FYB2: variants seen among roughly 807,000 people sequenced by gnomAD.
FYB2 encodes the protein FYN-binding protein 2.
FYB2 carries 103 observed loss-of-function variants against 94.1 expected under a neutral mutation model. That is an observed-to-expected ratio of 1.09 (90% CI 0.93 to 1.29). The LOEUF is 1.29. Among genes scored for constraint, FYB2 ranks in the 50% most tolerant of loss-of-function variants. The probability of loss-of-function intolerance (pLI) is 0.00; values close to 1 mark genes in which losing one functional copy is unlikely to be tolerated. For synonymous variants in FYB2, 293 were observed against 287.9 expected (o/e 1.02, Z -0.18); for missense variants, 896 against 841.5 (o/e 1.06, Z -0.80).
upstream of FYB2, among the ~76,000 whole-genome samples, chr1:56,822,654 G>T (rs1437302009): frequency 1.3e-5 from 2 of 151,222 alleles, no homozygotes; most frequent in African/African-American, 4.9e-5. Flanking sequence ...GCTCTGCAGT[G>T]TCTCCTATTA....
chr1:56,761,904 A>G (rs1645503038), intron 5 of FYB2: 1 of 152,206 alleles, frequency 6.6e-6, no homozygotes, highest in Non-Finnish European at 1.5e-5. Flanking sequence ...TAACTTTTGT[A>G]TAAGGTGTGA....
intron 16 of FYB2, 38 bp from the exon 17 acceptor site, chr1:56,723,719 A>G (rs2100489946): frequency 8.1e-7 from 1 of 1,232,246 alleles, no homozygotes; most frequent in Non-Finnish European, 1.2e-6. Context: ...AACGTACTAT[A>G]ATAAAACTTT....
chr1:56,766,217 C>G (rs1047635422), intron 5 of FYB2, among the ~76,000 whole-genome samples: 3 of 152,276 alleles, frequency 2.0e-5, no homozygotes, highest in Middle Eastern at 3.4e-3. Flanking sequence ...AAGATCCCTG[C>G]ATGACTTGTA....
At chr1:56,814,617 CTAAT>C (rs1646839930) in intron 1 of FYB2, among the ~76,000 whole-genome samples, 2 of 152,250 alleles carry the variant, frequency 1.3e-5, no homozygotes, top group Non-Finnish European at 2.9e-5. Flanking sequence ...GGACTTGTGA[CTAAT>C]TGTGTGATCT....
intron 1 of FYB2, among the ~76,000 whole-genome samples, chr1:56,798,195 C>T (rs984793510): frequency 2.6e-5 from 4 of 152,196 alleles, no homozygotes; most frequent in Admixed American, 2.0e-4. Context: ...CCTGTGTCAT[C>T]TTTGTGAAAG....
Position 56,737,157 on chromosome 1 carries a change from A to G in FYB2, c.1733-10T>C. 6.3e-7 allele frequency: 1 copy of G among 1,591,912 alleles called. No individual in the cohort carries two copies. ...TCCTGAGACTTAAGTTCTAGGGTCA[A>G]GACAGAATCAAAATAGTCCATTATT... On this transcript the variant is annotated splice_polypyrimidine_tract_variant and intron_variant, in intron 14 of 19. Coordinates refer to ENST00000343433, the MANE Select transcript of FYB2 (RefSeq NM_001004303.5).
At chr1:56,757,691 T>TTCCTTCCTTCCTTCCTTCCTTCC (rs1557616923) in intron 6 of FYB2, among the ~76,000 whole-genome samples, 53 of 70,108 alleles carry the variant, frequency 7.6e-4, no homozygotes, top group Non-Finnish European at 1.0e-3. Context: ...TCCTTCCTTC[T>TTCCTTCCTTCCTTCCTTCCTTCC]TTCTTTCTTT....
intron 1 of FYB2, among the ~76,000 whole-genome samples, chr1:56,808,714 T>A (rs1397258308): frequency 6.6e-6 from 1 of 152,198 alleles, no homozygotes; most frequent in Non-Finnish European, 1.5e-5. Context: ...AGAAACTGTG[T>A]ACTGTATGCT....
chr1:56,767,803 A>AGACTTACGATCAG (rs1557628847), intron 5 of FYB2, 26 bp downstream of exon 5: 2 of 1,490,772 alleles, frequency 1.3e-6, no homozygotes, highest in South Asian at 2.3e-5. Context: ...ACAGGGTTAC[A>AGACTTACGATCAG]CTATTAATTG....
At chr1:56,756,278 C>G (rs569681356) in intron 6 of FYB2, among the ~76,000 whole-genome samples, 53 of 152,246 alleles carry the variant, frequency 3.5e-4, no homozygotes, top group Middle Eastern at 3.4e-3. Flanking sequence ...CAATATTTTA[C>G]TGGGCAAATT....
rs1645191819 is a variant in FYB2, at chr1:56,751,248, C to T, written c.1228-45G>A. The stretch of plus-strand genomic sequence containing the variant: ...AGAATACTGTAGGGCTGTGACTTAC[C>T]TAATCAGTTCTTTGCTTACTTGTAC... On this transcript the variant is annotated intron_variant, in intron 8 of 19. Coordinates refer to ENST00000343433, the MANE Select transcript of FYB2 (RefSeq NM_001004303.5). 3 of 1,566,232 alleles carry T rather than the reference C, an allele frequency of 1.9e-6. No homozygotes were observed. The East Asian group carries it at 6.8e-5, about 35-fold the overall frequency.
intron 5 of FYB2, 82 bp from the exon 6 acceptor site, chr1:56,758,832 A>C: frequency 9.3e-7 from 1 of 1,075,812 alleles, no homozygotes; most frequent in Non-Finnish European, 1.3e-6. Context: ...CAGTTATAAA[A>C]GATTCCAGAA....
chr1:56,766,954 T>C (rs1645638158), intron 5 of FYB2, among the ~76,000 whole-genome samples: 1 of 152,216 alleles, frequency 6.6e-6, no homozygotes, highest in Admixed American at 6.5e-5. Context: ...AGCATAGAAT[T>C]TAGAGGTAGC....
intron 1 of FYB2, among the ~76,000 whole-genome samples, chr1:56,809,472 A>G (rs961361690): frequency 4.6e-5 from 7 of 152,126 alleles, no homozygotes; most frequent in African/African-American, 1.7e-4. Context: ...CAGAGAAGAC[A>G]CTGTGAATAT....
upstream of FYB2, chr1:56,823,714 A>G (rs1647006510): frequency 6.6e-6 from 1 of 152,212 alleles, no homozygotes; most frequent in Non-Finnish European, 1.5e-5. Context: ...GAATCTCAGC[A>G]CCTGCTTTGA....
intron 15 of FYB2, among the ~76,000 whole-genome samples, chr1:56,730,438 G>A (rs908738805): frequency 6.8e-6 from 1 of 147,588 alleles, no homozygotes; most frequent in African/African-American, 2.5e-5. Context: ...GGGAGAGGGA[G>A]GGGATGGCAA....
At chr1:56,809,258 T>G (rs544029728) in intron 1 of FYB2, among the ~76,000 whole-genome samples, 57 of 152,262 alleles carry the variant, frequency 3.7e-4, no homozygotes, top group Non-Finnish European at 5.7e-4. Context: ...GCCAACTATG[T>G]ACAAGGTATT....
intron 8 of FYB2, among the ~76,000 whole-genome samples, chr1:56,753,290 C>A (rs1645245071): frequency 6.6e-6 from 1 of 152,074 alleles, no homozygotes; most frequent in African/African-American, 2.4e-5. Flanking sequence ...ACACATTCAC[C>A]ATATTTAATA....
At chr1:56,796,846 A>G (rs1318726225) in intron 1 of FYB2, among the ~76,000 whole-genome samples, 1 of 152,140 alleles carries the variant, frequency 6.6e-6, no homozygotes, top group Non-Finnish European at 1.5e-5. Context: ...GAACTAGCAC[A>G]TTCCTGCTCG....
Sources: allele counts gnomAD v4.1 joint callset (sites outside exome capture counted in the v4.1 genomes callset), GRCh38; gene constraint gnomAD v4.1.1; transcripts MANE v1.5; gene names NCBI Gene and HGNC (gene_info 2026-07-23, HGNC 2026-07-21).